SLC9A9: variants seen among roughly 807,000 people sequenced by gnomAD.
SLC9A9 encodes the protein solute carrier family 9 member A9, also known as sodium/hydrogen exchanger 9.
In SLC9A9, 62 loss-of-function variants were observed where a neutral mutation model predicts 77.8. The observed-to-expected ratio is 0.80, with a 90% CI of 0.65 to 0.98. The LOEUF is 0.98. SLC9A9 is among the 50% of genes least tolerant of loss of function. The pLI is 0.00. For missense variants in SLC9A9, 775 were observed against 774.9 expected (o/e 1.00, Z 0.00); for synonymous variants, 320 against 283.5 (o/e 1.13, Z -1.29).
intron 14 of SLC9A9, among the ~76,000 whole-genome samples, chr3:143,318,488 A>G (rs1576421383): frequency 6.6e-6 from 1 of 152,358 alleles, no homozygotes. Context: ...TTCACAACAC[A>G]TCATGTAGTT....
intron 13 of SLC9A9, among the ~76,000 whole-genome samples, chr3:143,366,718 A>G (rs868703): frequency 0.37 from 56,138 of 152,150 alleles, 10,581 homozygotes; most frequent in Admixed American, 0.4. Context: ...AGTGTGGTCT[A>G]TTATTATTCC....
chr3:143,552,493 T>G, intron 8 of SLC9A9, 43 bp from the exon 9 acceptor site: 1 of 1,547,546 alleles, frequency 6.5e-7, no homozygotes, highest in Non-Finnish European at 8.9e-7. Flanking sequence ...ATTTTTCTTT[T>G]CCATCCAAGT....
At chr3:143,403,952 CAT>C (rs1249829422) in intron 12 of SLC9A9, among the ~76,000 whole-genome samples, 2 of 152,112 alleles carry the variant, frequency 1.3e-5, no homozygotes, top group Non-Finnish European at 1.5e-5. Flanking sequence ...CCATTACACA[CAT>C]GTTGGTGTTC....
chr3:143,776,723 G>A (rs113322100), intron 4 of SLC9A9, among the ~76,000 whole-genome samples: 1 of 152,034 alleles, frequency 6.6e-6, no homozygotes, highest in Non-Finnish European at 1.5e-5. Flanking sequence ...CTCTATAAAG[G>A]CAGGTTATTT....
At chr3:143,351,555 TG>T (rs951121773) in intron 14 of SLC9A9, among the ~76,000 whole-genome samples, 16 of 152,096 alleles carry the variant, frequency 1.1e-4, no homozygotes, top group Non-Finnish European at 1.8e-4. Context: ...TAGTTGATGG[TG>T]GGGGGGAGTA....
chr3:143,411,241 A>C (rs1250977755), intron 12 of SLC9A9, among the ~76,000 whole-genome samples: 1 of 152,168 alleles, frequency 6.6e-6, no homozygotes, highest in Non-Finnish European at 1.5e-5. Context: ...ATTTCACCAA[A>C]GTATGTCTAA....
intron 3 of SLC9A9, 36 bp downstream of exon 3, chr3:143,796,790 A>T: frequency 6.8e-7 from 1 of 1,469,630 alleles, no homozygotes; most frequent in Non-Finnish European, 9.4e-7. Context: ...TTCTCTACTT[A>T]ATGATAAAAG....
At chr3:143,622,775 T>G (rs1480568668) in intron 6 of SLC9A9, among the ~76,000 whole-genome samples, 5 of 152,134 alleles carry the variant, frequency 3.3e-5, no homozygotes, top group East Asian at 3.9e-4. Context: ...ATATTAACCT[T>G]AAATGTAAAT....
chr3:143,508,239 C>T (rs1283161232), intron 9 of SLC9A9, among the ~76,000 whole-genome samples: 1 of 152,158 alleles, frequency 6.6e-6, no homozygotes, highest in Non-Finnish European at 1.5e-5. Context: ...CTGCTAGCAA[C>T]AAACAGAATA....
At chr3:143,644,447 T>C (rs1008657397) in intron 6 of SLC9A9, among the ~76,000 whole-genome samples, 7 of 152,108 alleles carry the variant, frequency 4.6e-5, no homozygotes, top group Non-Finnish European at 1.0e-4. Context: ...AGTCACAGAA[T>C]ATAATCAAGG....
intron 6 of SLC9A9, among the ~76,000 whole-genome samples, chr3:143,652,042 T>C (rs930507561): frequency 1.3e-5 from 2 of 152,210 alleles, no homozygotes; most frequent in African/African-American, 4.8e-5. Context: ...ACCCTCTAGG[T>C]AGTATCTTGT....
At chr3:143,792,631 T>A (rs78813693) in intron 4 of SLC9A9, among the ~76,000 whole-genome samples, 5,882 of 152,214 alleles carry the variant, frequency 0.039, 144 homozygotes, top group African/African-American at 0.073. Flanking sequence ...GGTCCAATAC[T>A]CCTTGGTGCC....
At chr3:143,413,765 G>C (rs1013066410) in intron 12 of SLC9A9, among the ~76,000 whole-genome samples, 1 of 147,010 alleles carries the variant, frequency 6.8e-6, no homozygotes, top group Admixed American at 6.9e-5. Flanking sequence ...AAAGTACAGA[G>C]ATCAGTATTA....
intron 2 of SLC9A9, among the ~76,000 whole-genome samples, chr3:143,804,576 C>T (rs989827087): frequency 1.3e-5 from 2 of 152,172 alleles, no homozygotes; most frequent in African/African-American, 4.8e-5. Flanking sequence ...CACAAGGTCT[C>T]TTCTTGCTCT....
At chr3:143,605,679 T>C (rs967520904) in intron 6 of SLC9A9, among the ~76,000 whole-genome samples, 1 of 152,238 alleles carries the variant, frequency 6.6e-6, no homozygotes, top group Middle Eastern at 3.2e-3. Flanking sequence ...TTAGCAGATA[T>C]TATCTCTGGC....
chr3:143,726,732 G>A (rs1174582787), intron 4 of SLC9A9, among the ~76,000 whole-genome samples: 1 of 132,448 alleles, frequency 7.6e-6, no homozygotes, highest in Non-Finnish European at 1.7e-5. Flanking sequence ...CATCTTCATT[G>A]CCTGAAAAAA....
At chr3:143,831,174 T>C (rs2009425359) in intron 2 of SLC9A9, among the ~76,000 whole-genome samples, 1 of 152,086 alleles carries the variant, frequency 6.6e-6, no homozygotes, top group South Asian at 2.1e-4. Flanking sequence ...AGTGAAACAA[T>C]GGACTTCCAC....
At chr3:143,422,644 C>G (rs548552270) in intron 12 of SLC9A9, among the ~76,000 whole-genome samples, 1 of 152,266 alleles carries the variant, frequency 6.6e-6, no homozygotes, top group East Asian at 1.9e-4. Flanking sequence ...CTATTGGGTC[C>G]TATGCTCATA....
chr3:143,566,196 C>A (rs969319867), intron 8 of SLC9A9, among the ~76,000 whole-genome samples: 24 of 152,144 alleles, frequency 1.6e-4, no homozygotes, highest in African/African-American at 5.3e-4. Flanking sequence ...CCTTTTCCCT[C>A]ACTGCTTACT....
Sources: gnomAD v4.1 joint callset for allele counts (sites outside exome capture counted in the v4.1 genomes callset) on GRCh38, gnomAD v4.1.1 for gene constraint, MANE v1.5 for transcripts, NCBI Gene and HGNC (gene_info 2026-07-23, HGNC 2026-07-21) for gene names.